GJB4: variants seen among roughly 807,000 people sequenced by gnomAD.
GJB4 encodes gap junction protein beta 4.
For missense variants in GJB4, 371 were observed against 363.8 expected, an observed-to-expected ratio of 1.02 and a Z score of -0.16; for synonymous variants, 162 against 158.1, an observed-to-expected ratio of 1.02 and a Z score of -0.18.
At position 34,761,989 on chromosome 1, in the gene GJB4, T is replaced by C. The variant is rs749997834; in HGVS notation, c.735T>C (p.Pro245=). The C allele has an allele frequency of 2.5e-6, 4 of 1,614,062 alleles. No homozygotes were observed. Among genetic ancestry groups the C allele is most frequent in the South Asian group, 1.1e-5 (1 of 91,084 alleles). Residue 245 remains proline, a synonymous_variant, in exon 2 of 2, where the codon CCT becomes CCC. Transcript: ENST00000339480. The surrounding 1 kb of genome is among the most constrained non-coding windows in gnomAD (Gnocchi z 4.4). ...ATGTCCTCTCCCAGGGAGGGCACCC[T>C]GAGGATGGGAACTCTGTCCTAATGA... ...PPYVLSQGGH[P]EDGNSVLMKA... is the part of the protein sequence containing the mutation.
intron 1 of GJB4, among the ~76,000 whole-genome samples, chr1:34,760,686 G>A (rs1388103199): frequency 1.3e-5 from 2 of 152,174 alleles, no homozygotes; most frequent in African/African-American, 4.8e-5. Context: ...TGATGTGAAC[G>A]TCCCCAACAC....
In GJB4 at chr1:34,761,635, G is replaced by A. The variant is rs770576472; in HGVS notation, c.381G>A (p.Leu127=). ...YDNLSKKRGG[L]WWTYLLSLIF... is the part of the protein sequence containing the mutation. ...ACCTGAGCAAGAAGCGGGGCGGACT[G>A]TGGTGGACGTACTTGCTGAGCCTCA... Residue 127 remains leucine, a synonymous_variant, in exon 2 of 2, where the codon CTG becomes CTA. Transcript: ENST00000339480. This position sits in a 1 kb window ranked among gnomAD's most constrained non-coding sequence, Gnocchi z 4.4. 1 of 1,614,214 alleles carries A rather than the reference G, an allele frequency of 6.2e-7. No homozygotes were observed. Among genetic ancestry groups the A allele is most frequent in the Non-Finnish European group, 8.5e-7 (1 of 1,180,028 alleles).
Position 34,761,733 on chromosome 1 carries a change from G to C in GJB4, c.479G>C (p.Arg160Pro). The C allele has an allele frequency of 1.2e-6, 2 of 1,614,088 alleles. No homozygotes were observed. Among genetic ancestry groups the C allele is most frequent in the South Asian group, 1.1e-5 (1 of 91,082 alleles). Reference protein sequence around the residue: ...HRLYKDYDMPRVVACSVEPCP... With the variant: ...HRLYKDYDMPPVVACSVEPCP... ...CTCTACAAGGATTATGACATGCCCC[G>C]CGTGGTGGCCTGCTCCGTGGAGCCT... The change falls in exon 2 of 2, where the codon CGC (arginine) becomes CCC (proline). Residue 160 changes from arginine (R) to proline (P), a missense_variant. By Grantham distance (103) the Arg-to-Pro change is moderately radical (BLOSUM62 -2). Transcript: ENST00000339480. This position sits in a 1 kb window ranked among gnomAD's most constrained non-coding sequence, Gnocchi z 4.4.
intron 1 of GJB4, among the ~76,000 whole-genome samples, chr1:34,760,070 G>T (rs1459506327): frequency 1.3e-5 from 2 of 152,210 alleles, no homozygotes; most frequent in Admixed American, 1.3e-4. Flanking sequence ...AGTGCTAGGT[G>T]CTAGGGAGAC....
Position 34,761,595 on chromosome 1 carries a change from C to T in GJB4, c.341C>T (p.Pro114Leu), listed in dbSNP as rs199688130. ...CACCTGAAACACGGGCCCAATGCCC[C>T]GTCCCTGTACGACAACCTGAGCAAG... ...KHHLKHGPNA[P>L]SLYDNLSKKR... Residue 114 changes from proline to leucine, a missense_variant, in exon 2 of 2, where the codon CCG becomes CTG. Coordinates refer to ENST00000339480, the MANE Select transcript of GJB4 (RefSeq NM_153212.3). The surrounding 1 kb of genome is among the most constrained non-coding windows in gnomAD (Gnocchi z 4.4). 156 of 1,614,266 alleles carry T rather than the reference C, an allele frequency of 9.7e-5. No homozygotes were observed. Among genetic ancestry groups the T allele is most frequent in the Non-Finnish European group, 1.2e-4 (145 of 1,180,042 alleles).
chr1:34,761,001 T>C lies in GJB4; in HGVS notation c.-254T>C, dbSNP rs894660858. On this transcript the variant is annotated 5_prime_UTR_variant, in exon 2 of 2. Coordinates refer to ENST00000339480, the MANE Select transcript of GJB4 (RefSeq NM_153212.3). This position sits in a 1 kb window ranked among gnomAD's most constrained non-coding sequence, Gnocchi z 4.4. ...AGATTAGCTCTGCTACTTCCATCTG[T>C]GGACCATTGGGCAGGTATCTCTGGG... The C allele has an allele frequency of 1.7e-6, 1 of 571,758 alleles. No individual in the cohort carries two copies. The allele number at this position is 571,758 out of a possible 1,614,324, so 35.4% of individuals were successfully genotyped here.
At chr1:34,760,251 T>G (rs971710886) in intron 1 of GJB4, among the ~76,000 whole-genome samples, 3 of 142,256 alleles carry the variant, frequency 2.1e-5, no homozygotes, top group Admixed American at 7.1e-5. Context: ...AGGAGGAGGG[T>G]AGGAGGAGGG....
In GJB4 at chr1:34,762,110, G is replaced by A. The variant is rs1015492770; in HGVS notation, c.*55G>A. 1.3e-6 allele frequency: 2 copies of A among 1,515,342 alleles called. No individual in the cohort carries two copies. Among genetic ancestry groups the A allele is most frequent in the Non-Finnish European group, 9.0e-7 (1 of 1,111,458 alleles). 93.9% of individuals were successfully genotyped at this position (1,515,342 alleles called of 1,614,324 possible). A position where few individuals can be genotyped will look rare whatever the true frequency, so the allele number is the denominator to read the frequency against. ...GTCCCCCCCACATGAGGCCACCCAG[G>A]AAAAAAGGCAGGGGCAGTGGCATCC... On this transcript the variant is annotated 3_prime_UTR_variant, in exon 2 of 2. Coordinates refer to ENST00000339480, the MANE Select transcript of GJB4 (RefSeq NM_153212.3).
Position 34,761,403 on chromosome 1 carries a change from A to T in GJB4, c.149A>T (p.Asp50Val). ...AEEVWDDEQK[D>V]FVCNTKQPGC... ...GAGGTGTGGGACGATGAGCAGAAGGACTTTGTCTGCAACACCAAGCAGCCC... is the reference window on the plus strand; with the variant it reads ...GAGGTGTGGGACGATGAGCAGAAGGTCTTTGTCTGCAACACCAAGCAGCCC... Residue 50 changes from aspartate to valine, a missense_variant, in exon 2 of 2, where the codon GAC (aspartate) becomes GTC (valine). Coordinates refer to ENST00000339480, the MANE Select transcript of GJB4 (RefSeq NM_153212.3). This position sits in a 1 kb window ranked among gnomAD's most constrained non-coding sequence, Gnocchi z 4.4. 1 of 1,613,534 alleles carries T rather than the reference A, an allele frequency of 6.2e-7. No individual in the cohort carries two copies. Among genetic ancestry groups the T allele is most frequent in the South Asian group, 1.1e-5 (1 of 91,068 alleles).
At position 34,761,404 on chromosome 1, in the gene GJB4, C is replaced by T; in HGVS notation, c.150C>T (p.Asp50=). ...AEEVWDDEQK[D]FVCNTKQPGC... is the part of the protein sequence containing the mutation. ...AGGTGTGGGACGATGAGCAGAAGGA[C>T]TTTGTCTGCAACACCAAGCAGCCCG... Residue 50 remains aspartate, a synonymous_variant, in exon 2 of 2, where the codon GAC becomes GAT. Transcript: ENST00000339480. This position sits in a 1 kb window ranked among gnomAD's most constrained non-coding sequence, Gnocchi z 4.4. 3.1e-6 allele frequency: 5 copies of T among 1,613,822 alleles called. No homozygotes were observed. Among genetic ancestry groups the T allele is most frequent in the Non-Finnish European group, 4.2e-6 (5 of 1,179,794 alleles).
chr1:34,760,290 C>T (rs1557651727), intron 1 of GJB4, among the ~76,000 whole-genome samples: 1 of 151,904 alleles, frequency 6.6e-6, no homozygotes, highest in Admixed American at 6.6e-5. Flanking sequence ...CTGATGGGGA[C>T]TCCAGACAAG....
chr1:34,761,281 G>T lies in GJB4; in HGVS notation c.27G>T (p.Leu9=), dbSNP rs1165924918. Residue 9 remains leucine, a synonymous_variant, in exon 2 of 2, where the codon CTG becomes CTT. Coordinates refer to ENST00000339480, the MANE Select transcript of GJB4 (RefSeq NM_153212.3). The surrounding 1 kb of genome is among the most constrained non-coding windows in gnomAD (Gnocchi z 4.4). ...TGAACTGGGCATTTCTGCAGGGCCT[G>T]CTGAGTGGCGTGAACAAGTACTCCA... The part of the protein sequence containing the change: MNWAFLQG[L]LSGVNKYSTV... 6.2e-7 allele frequency: 1 copy of T among 1,614,214 alleles called. No individual in the cohort carries two copies. The highest frequency in any genetic ancestry group is 1.7e-5 in the Admixed American group (1 of 60,034).
chr1:34,761,276 G>A lies in GJB4; in HGVS notation c.22G>A (p.Gly8Ser). 6.2e-7 allele frequency: 1 copy of A among 1,614,160 alleles called. No individual in the cohort carries two copies. Among genetic ancestry groups the A allele is most frequent in the Non-Finnish European group, 8.5e-7 (1 of 1,180,026 alleles). MNWAFLQ[G>S]LLSGVNKYST... is the part of the protein sequence containing the mutation. ...CAGCATGAACTGGGCATTTCTGCAGGGCCTGCTGAGTGGCGTGAACAAGTA... is the reference window on the plus strand; with the variant it reads ...CAGCATGAACTGGGCATTTCTGCAGAGCCTGCTGAGTGGCGTGAACAAGTA... The change falls in exon 2 of 2, where the codon GGC (glycine) becomes AGC (serine). Residue 8 changes from glycine to serine, a missense_variant. Coordinates refer to ENST00000339480, the MANE Select transcript of GJB4 (RefSeq NM_153212.3). This position sits in a 1 kb window ranked among gnomAD's most constrained non-coding sequence, Gnocchi z 4.4.
In GJB4 at chr1:34,761,688, T is replaced by C; in HGVS notation, c.434T>C (p.Phe145Ser). 3 of 1,614,116 alleles carry C rather than the reference T, an allele frequency of 1.9e-6. No homozygotes were observed. Among genetic ancestry groups the C allele is most frequent in the Non-Finnish European group, 2.5e-6 (3 of 1,180,012 alleles). Residue 145 changes from phenylalanine (F) to serine (S), a missense_variant, in exon 2 of 2, where the codon TTC (phenylalanine) becomes TCC (serine). Physicochemically the swap from Phe to Ser is radical, Grantham distance 155. Transcript: ENST00000339480. This position sits in a 1 kb window ranked among gnomAD's most constrained non-coding sequence, Gnocchi z 4.4. The part of the protein sequence containing the change: ...LIFKAAVDAG[F>S]LYIFHRLYKD... ...TTCAAGGCCGCCGTGGATGCTGGCTTCCTCTATATCTTCCACCGCCTCTAC... is the reference window on the plus strand; with the variant it reads ...TTCAAGGCCGCCGTGGATGCTGGCTCCCTCTATATCTTCCACCGCCTCTAC...
Position 34,761,071 on chromosome 1 carries a change from C to A in GJB4, c.-184C>A. 1 of 663,436 alleles carries A rather than the reference C, an allele frequency of 1.5e-6. No homozygotes were observed. The allele number at this position is 663,436 out of a possible 1,614,324, so 41.1% of individuals were successfully genotyped here. A position where few individuals can be genotyped will look rare whatever the true frequency, so the allele number is the denominator to read the frequency against. ...AAATGAGGACAGGGGCAATCCCTAC[C>A]CTACCAAGTCATTGGGAGTGAAGAC... is the stretch of plus-strand genomic sequence containing the variant. On this transcript the variant is annotated 5_prime_UTR_variant, in exon 2 of 2. Coordinates refer to ENST00000339480, the MANE Select transcript of GJB4 (RefSeq NM_153212.3). The surrounding 1 kb of genome is among the most constrained non-coding windows in gnomAD (Gnocchi z 4.4).
rs145285600 is a variant in GJB4, at chr1:34,761,508, C to A, written c.254C>A (p.Thr85Lys). 1.2e-6 allele frequency: 2 copies of A among 1,614,180 alleles called. No homozygotes were observed. The highest frequency in any genetic ancestry group is 1.7e-6 in the Non-Finnish European group (2 of 1,180,030). Residue 85 changes from threonine to lysine, a missense_variant, in exon 2 of 2, where the codon ACG (threonine) becomes AAG (lysine). Physicochemically the swap from Thr to Lys is moderately conservative, Grantham distance 78. Transcript: ENST00000339480. The surrounding 1 kb of genome is among the most constrained non-coding windows in gnomAD (Gnocchi z 4.4). The stretch of plus-strand genomic sequence containing the variant: ...TGGGCCCTACAGCTCATCCTGGTCA[C>A]GTGCCCCTCACTGCTCGTGGTCATG... ...RLWALQLILV[T>K]CPSLLVVMHV...
Position 34,761,546 on chromosome 1 carries a change from C to A in GJB4, c.292C>A (p.Arg98Ser). Residue 98 changes from arginine to serine, a missense_variant, in exon 2 of 2, where the codon CGC (arginine) becomes AGC (serine). Transcript: ENST00000339480. The surrounding 1 kb of genome is among the most constrained non-coding windows in gnomAD (Gnocchi z 4.4). ...SLLVVMHVAY[R>S]EERERKHHLK... ...GCTCGTGGTCATGCACGTGGCCTACCGCGAGGAACGCGAGCGCAAGCACCA... is the reference window on the plus strand; with the variant it reads ...GCTCGTGGTCATGCACGTGGCCTACAGCGAGGAACGCGAGCGCAAGCACCA... 1.2e-6 allele frequency: 2 copies of A among 1,614,154 alleles called. No individual in the cohort carries two copies. Among genetic ancestry groups the A allele is most frequent in the Non-Finnish European group, 1.7e-6 (2 of 1,180,030 alleles).
At position 34,761,798 on chromosome 1, in the gene GJB4, GAGA is replaced by G. The variant is rs757298436; in HGVS notation, c.550_552del (p.Lys184del). 6.2e-6 allele frequency: 10 copies of G among 1,614,022 alleles called. No homozygotes were observed. Among genetic ancestry groups the G allele is most frequent in the African/African-American group, 2.7e-5 (2 of 74,938 alleles). ...GGACTGTTACATCTCCCGGCCCACG[GAGA>G]AGAAGGTCTTCACCTACTTCATGGT... On this transcript the variant is annotated inframe_deletion, in exon 2 of 2. Transcript: ENST00000339480. This position sits in a 1 kb window ranked among gnomAD's most constrained non-coding sequence, Gnocchi z 4.4.
In GJB4 at chr1:34,761,905, C is replaced by T. The variant is rs565502726; in HGVS notation, c.651C>T (p.Phe217=). Residue 217 remains phenylalanine (F), a synonymous_variant, in exon 2 of 2, where the codon TTC becomes TTT. Coordinates refer to ENST00000339480, the MANE Select transcript of GJB4 (RefSeq NM_153212.3). The surrounding 1 kb of genome is among the most constrained non-coding windows in gnomAD (Gnocchi z 4.4). Reference sequence around the variant, plus strand: ...TGGGCAAGAGGTGCATGGAGATCTTCGGCCCCAGGCACCGGCGGCCTCGGT... The same window carrying T: ...TGGGCAAGAGGTGCATGGAGATCTTTGGCCCCAGGCACCGGCGGCCTCGGT... ...YLVGKRCMEI[F]GPRHRRPRCR... is the part of the protein sequence containing the mutation. 31 of 1,614,190 alleles carry T rather than the reference C, an allele frequency of 1.9e-5. No homozygotes were observed. Among genetic ancestry groups the T allele is most frequent in the East Asian group, 6.7e-5 (3 of 44,884 alleles).
Sources: allele counts gnomAD v4.1 joint callset (sites outside exome capture counted in the v4.1 genomes callset), GRCh38; gene constraint gnomAD v4.1.1; non-coding constraint Gnocchi (gnomAD v3.1); transcripts MANE v1.5; gene names NCBI Gene and HGNC (gene_info 2026-07-23, HGNC 2026-07-21).